CAPS2: variants seen among roughly 807,000 people sequenced by gnomAD.
The protein encoded by CAPS2 is calcyphosin-2.
Under a neutral mutation model 86.5 loss-of-function variants are expected in CAPS2, and 98 were observed. The ratio of observed to expected loss-of-function variants is 1.13; its 90% CI spans 0.96 to 1.34. The LOEUF is 1.34. Among genes scored for constraint, CAPS2 ranks in the 40% most tolerant of loss-of-function variants. The pLI is 0.00. For missense variants in CAPS2, 729 were observed against 686.8 expected (o/e 1.06, Z -0.69); for synonymous variants, 210 against 225.1 (o/e 0.93, Z 0.60).
chr12:75,283,667 A>G (rs1230084133), intron 15 of CAPS2, among the ~76,000 whole-genome samples: 1 of 152,128 alleles, frequency 6.6e-6, no homozygotes, highest in Admixed American at 6.5e-5. Flanking sequence ...TACAAAAATT[A>G]GCCAGGCATC....
chr12:75,372,988 A>G (rs2044456079), intron 1 of CAPS2, among the ~76,000 whole-genome samples: 1 of 152,220 alleles, frequency 6.6e-6, no homozygotes, highest in Non-Finnish European at 1.5e-5. Context: ...GTCTATTCCA[A>G]TGAGGATAAA....
chr12:75,338,688 A>C (rs1221289099), intron 1 of CAPS2, among the ~76,000 whole-genome samples: 1 of 152,110 alleles, frequency 6.6e-6, no homozygotes, highest in Non-Finnish European at 1.5e-5. Context: ...TGCACAGATC[A>C]ACCAATCACC....
chr12:75,309,571 G>A (rs1258701285), intron 7 of CAPS2, among the ~76,000 whole-genome samples: 1 of 152,138 alleles, frequency 6.6e-6, no homozygotes, highest in East Asian at 1.9e-4. Flanking sequence ...TAAATGAGTA[G>A]ACATTTTTTA....
intron 8 of CAPS2, among the ~76,000 whole-genome samples, chr12:75,303,278 G>A (rs867800429): frequency 6.6e-6 from 1 of 152,148 alleles, no homozygotes; most frequent in Admixed American, 6.5e-5. Context: ...AAAATATCAT[G>A]TTGTACATCT....
exon 1 of CAPS2, chr12:75,326,479 C>T: frequency 6.5e-7 from 1 of 1,544,644 alleles, no homozygotes; most frequent in Non-Finnish European, 8.8e-7. Context: ...GGCAGCAACT[C>T]CTTTAACCTC....
At chr12:75,333,968 T>C (rs941157446), upstream of CAPS2, 1 of 152,180 alleles carries the variant, frequency 6.6e-6, no homozygotes, top group African/African-American at 2.4e-5. Flanking sequence ...GACAATCAAA[T>C]GTACTCTGTC....
At chr12:75,278,442 T>C in exon 17 of CAPS2, 1 of 985,366 alleles carries the variant, frequency 1.0e-6, no homozygotes, top group Non-Finnish European at 1.2e-6. Context: ...GGCCCAATTC[T>C]AATTTATCAA....
intron 5 of CAPS2, among the ~76,000 whole-genome samples, chr12:75,319,249 A>G (rs1199363213): frequency 2.6e-5 from 4 of 152,158 alleles, no homozygotes; most frequent in Non-Finnish European, 5.9e-5. Flanking sequence ...TCTAAGCCTC[A>G]TGTTGAAATT....
rs562711399 is a variant in CAPS2 at position 75,351,796 on chromosome 12, C to G, written c.-394-28574G>C. On this transcript the variant is annotated intron_variant, in intron 1 of 5. Coordinates refer to the CAPS2 transcript ENST00000551829. The stretch of plus-strand genomic sequence containing the variant: ...TCCTGACCTCAGGTGATCCACCCTC[C>G]TTGGCCTCCCAAAGTGCTGGGATTA... 7.2e-5 allele frequency among the ~76,000 whole-genome samples: 11 copies of G among 152,296 alleles called. No homozygotes were observed. In the East Asian group the frequency reaches 1.9e-3, roughly 27 times the overall value.
chr12:75,369,477 AT>A, intron 1 of CAPS2: 2 of 959,956 alleles, frequency 2.1e-6, no homozygotes, highest in Non-Finnish European at 2.5e-6. Context: ...TTTTAAGTAG[AT>A]TATTTCCTAA....
chr12:75,278,277 C>T (rs928658488), exon 17 of CAPS2: 2 of 980,986 alleles, frequency 2.0e-6, no homozygotes, highest in African/African-American at 3.5e-5. Context: ...AAAGACAAGT[C>T]AGTATTTAAA....
At chr12:75,314,241 T>C (rs1274409452) in intron 6 of CAPS2, among the ~76,000 whole-genome samples, 1 of 152,128 alleles carries the variant, frequency 6.6e-6, no homozygotes, top group Non-Finnish European at 1.5e-5. Flanking sequence ...TTAATAATAA[T>C]GTTAAACCAA....
intron 1 of CAPS2, among the ~76,000 whole-genome samples, chr12:75,335,297 T>A (rs2041649387): frequency 1.3e-5 from 2 of 152,184 alleles, no homozygotes; most frequent in Non-Finnish European, 2.9e-5. Context: ...ATTCTCTTGT[T>A]CTCTTACTTA....
At chr12:75,334,689 C>A (rs565146614), upstream of CAPS2, 3 of 1,589,548 alleles carry the variant, frequency 1.9e-6, no homozygotes, top group African/African-American at 4.0e-5. Flanking sequence ...GTTACTGGTC[C>A]GCGCAGTCAG....
intron 7 of CAPS2, among the ~76,000 whole-genome samples, chr12:75,311,479 G>T (rs2039159661): frequency 6.6e-6 from 1 of 151,982 alleles, no homozygotes; most frequent in Non-Finnish European, 1.5e-5. Context: ...CACCCAGATT[G>T]GAGAAAGTTA....
intron 7 of CAPS2, chr12:75,305,690 C>CAGCTGCTGCAG: frequency 1.5e-6 from 1 of 660,558 alleles, no homozygotes; most frequent in Non-Finnish European, 2.9e-6. Flanking sequence ...TGGCCCGGCA[C>CAGCTGCTGCAG]AGCTGCTGCA....
At chr12:75,303,798 C>T (rs111875154) in intron 8 of CAPS2, among the ~76,000 whole-genome samples, 2,591 of 152,202 alleles carry the variant, frequency 0.017, 68 homozygotes, top group African/African-American at 0.053. Flanking sequence ...GTAGATTCAA[C>T]GCACTCACAC....
chr12:75,279,168 A>C, intron 16 of CAPS2, 103 bp from the exon 17 acceptor site: 1 of 1,091,558 alleles, frequency 9.2e-7, no homozygotes. Flanking sequence ...ACTTTCAACA[A>C]TTTGAAATCT....
chr12:75,328,768 A>G (rs1376382300), upstream of CAPS2, among the ~76,000 whole-genome samples: 3 of 152,304 alleles, frequency 2.0e-5, no homozygotes, highest in South Asian at 2.1e-4. Flanking sequence ...TGCTCACCCT[A>G]TGTCTCAGGA....
Sources: allele counts gnomAD v4.1 joint callset (sites outside exome capture counted in the v4.1 genomes callset), GRCh38; gene constraint gnomAD v4.1.1; transcripts MANE v1.5; gene names NCBI Gene and HGNC (gene_info 2026-07-23, HGNC 2026-07-21).